The following TPR variants were observed in gnomAD, a reference collection of about 807,000 sequenced individuals.
TPR encodes the protein translocated promoter region, nuclear basket protein.
In TPR, 51 loss-of-function variants were observed where a neutral mutation model predicts 316.1. That is an observed-to-expected ratio of 0.16 (90% confidence interval 0.13 to 0.20). The LOEUF (loss-of-function observed/expected upper bound fraction) is 0.20. Ranked by LOEUF, TPR falls within the 10% of genes least tolerant of loss-of-function variation. TPR has a pLI of 1.00. For synonymous variants in TPR, 981 were observed against 914.7 expected (o/e 1.07, Z -1.31); for missense variants, 2,272 against 2,754.8 (o/e 0.82, Z 3.92).
At chr1:186,359,430 A>C (rs1659117622) in intron 12 of TPR, among the ~76,000 whole-genome samples, 1 of 152,080 alleles carries the variant, frequency 6.6e-6, no homozygotes. Context: ...GGCTATTACA[A>C]CTGTCTGATA....
chr1:186,322,256 CT>C, intron 45 of TPR, 61 bp downstream of exon 45: 2 of 1,461,054 alleles, frequency 1.4e-6, no homozygotes, highest in Non-Finnish European at 1.9e-6. Context: ...GATAAACAAA[CT>C]AACAGAGAAA....
chr1:186,359,805 A>C lies in TPR; in HGVS notation c.1383T>G (p.Ala461=), dbSNP rs1291908460. The part of the protein sequence containing the change: ...VASLSVKLEQ[A]MKEIQRLQED... ...TTTTAGGAATGGAACCAACCTTCAT[A>C]GCTTGTTCAAGCTTAACAGATAAAC... The change falls in exon 12 of 51, where the codon GCT becomes GCG. Residue 461 remains alanine, a synonymous_variant. Transcript: ENST00000367478. The C allele has an allele frequency of 6.3e-7, 1 of 1,580,556 alleles. No homozygotes were observed. Among genetic ancestry groups the C allele is most frequent in the Non-Finnish European group, 8.5e-7 (1 of 1,170,922 alleles).
At chr1:186,334,268 T>C (rs924118884) in intron 36 of TPR, 57 bp downstream of exon 36, 3 of 1,470,512 alleles carry the variant, frequency 2.0e-6, no homozygotes, top group African/African-American at 1.4e-5. Flanking sequence ...ATTACTGTCA[T>C]CTTCTCATAA....
intron 30 of TPR, among the ~76,000 whole-genome samples, chr1:186,338,725 G>A (rs1010414209): frequency 6.6e-6 from 1 of 152,114 alleles, no homozygotes; most frequent in Non-Finnish European, 1.5e-5. Flanking sequence ...ACCAAATCAT[G>A]GGCCACATTT....
At chr1:186,348,646 T>C (rs1381435258) in intron 21 of TPR, among the ~76,000 whole-genome samples, 1 of 152,152 alleles carries the variant, frequency 6.6e-6, no homozygotes, top group African/African-American at 2.4e-5. Flanking sequence ...ATCACGGTCC[T>C]AGATATGTGA....
chr1:186,338,130 A>C lies in TPR; in HGVS notation c.4265T>G (p.Ile1422Ser), dbSNP rs1658394481. 6.2e-7 allele frequency: 1 copy of C among 1,612,698 alleles called. No individual in the cohort carries two copies. Among genetic ancestry groups the C allele is most frequent in the African/African-American group, 1.3e-5 (1 of 74,854 alleles). ...AGTTTTGACTTTTTCTTGGATATCA[A>C]TTATTTTGGCATCTAAGTCCTTCTG... ...TIQKDLDAKI[I>S]DIQEKVKTIT... is the part of the protein sequence containing the mutation. The change falls in exon 31 of 51, where the codon ATT (isoleucine) becomes AGT (serine). Residue 1422 changes from isoleucine (I) to serine (S), a missense_variant. This residue lies in a region of TPR where 96 missense variants were observed against 134.6 expected (regional missense o/e 0.71). Transcript: ENST00000367478.
intron 19 of TPR, 69 bp from the exon 20 acceptor site, chr1:186,351,539 CAAGA>C (rs1156787130): frequency 2.0e-6 from 3 of 1,465,382 alleles, no homozygotes; most frequent in African/African-American, 2.9e-5. Context: ...AAATTGAAGG[CAAGA>C]AAGAATTACA....
chr1:186,332,600 C>T (rs926031772), intron 37 of TPR, among the ~76,000 whole-genome samples: 3 of 152,044 alleles, frequency 2.0e-5, no homozygotes, highest in Non-Finnish European at 1.5e-5. Flanking sequence ...CTTAATAAAG[C>T]CAGCCAATTT....
rs768672220 is a variant in TPR, at chr1:186,331,506, T to C, written c.5680A>G (p.Ile1894Val). Residue 1894 changes from isoleucine (I) to valine (V), a missense_variant, in exon 39 of 51, where the codon ATT becomes GTT. Physicochemically the swap from Ile to Val is conservative, Grantham distance 29 (BLOSUM62 3). Around this residue, in one of 10 missense-constraint regions of TPR, gnomAD observed 435 missense variants for 461.1 expected, o/e 0.94. Coordinates refer to ENST00000367478, the MANE Select transcript of TPR (RefSeq NM_003292.3). ...QVYNQDSQDS[I>V]GEGVTQGDYT... The stretch of plus-strand genomic sequence containing the variant: ...GGTATGTTTTTACTTACTTCTCCAA[T>C]GGAATCTTGAGAATCCTGGTTGTAT... 7.6e-5 allele frequency: 122 copies of C among 1,607,418 alleles called. No individual in the cohort carries two copies. The highest frequency in any genetic ancestry group is 9.5e-5 in the Non-Finnish European group (112 of 1,176,710).
At chr1:186,333,816 A>G (rs1343435625) in intron 36 of TPR, among the ~76,000 whole-genome samples, 2 of 152,208 alleles carry the variant, frequency 1.3e-5, no homozygotes, top group African/African-American at 2.4e-5. Flanking sequence ...GAAATACTTG[A>G]ATAATTTACT....
In TPR at chr1:186,359,826, T is replaced by C. The variant is rs201691804; in HGVS notation, c.1362A>G (p.Leu454=). Residue 454 remains leucine, a synonymous_variant, in exon 12 of 51, where the codon TTA becomes TTG. Coordinates refer to ENST00000367478, the MANE Select transcript of TPR (RefSeq NM_003292.3). ...TCATAGCTTGTTCAAGCTTAACAGA[T>C]AAACTTGCTACAGCTTTCTGTGCAC... ...YERAQKAVAS[L]SVKLEQAMKE... The C allele has an allele frequency of 2.2e-3, 3,568 of 1,588,260 alleles. 19 individuals carry two copies. Among genetic ancestry groups the C allele is most frequent in the South Asian group, 9.3e-3 (797 of 85,544 alleles).
At chr1:186,363,029 A>C in intron 5 of TPR, 28 bp from the exon 6 acceptor site, 1 of 1,576,160 alleles carries the variant, frequency 6.3e-7, no homozygotes, top group East Asian at 2.2e-5. Context: ...AATAACACGT[A>C]CAGTTAAAGA....
In TPR at chr1:186,312,763, T is replaced by G. The variant is rs1366853091; in HGVS notation, c.*1208A>C. 2.5e-6 allele frequency: 4 copies of G among 1,612,510 alleles called. No homozygotes were observed. Among genetic ancestry groups the G allele is most frequent in the African/African-American group, 1.3e-5 (1 of 74,874 alleles). ...TGGTATCTTTTATTAAACATGCCACTTACAGGTGTCCTTCATAATGAAGTT... is the reference window on the plus strand; with the variant it reads ...TGGTATCTTTTATTAAACATGCCACGTACAGGTGTCCTTCATAATGAAGTT... On this transcript the variant is annotated 3_prime_UTR_variant, in exon 51 of 51. Transcript: ENST00000367478.
Position 186,345,101 on chromosome 1 carries a change from A to C in TPR, c.3213+479T>G, listed in dbSNP as rs568007626. 3.7e-5 allele frequency among the ~76,000 whole-genome samples: 5 copies of C among 136,732 alleles called. No individual in the cohort carries two copies. In the East Asian group the frequency reaches 1.3e-3, roughly 37 times the overall value. The allele number at this position is 136,732 out of a possible 152,430, so 89.7% of individuals were successfully genotyped here. A position where few individuals can be genotyped will look rare whatever the true frequency, so the allele number is the denominator to read the frequency against. On this transcript the variant is annotated intron_variant, in intron 24 of 50. Transcript: ENST00000367478. ...TCCTGTTCATAAAAAAATTATAAAAAGCTTCAATACTGTGTGCACATACAT... is the reference window on the plus strand; with the variant it reads ...TCCTGTTCATAAAAAAATTATAAAACGCTTCAATACTGTGTGCACATACAT...
At chr1:186,314,251 T>C (rs1343320599) in intron 50 of TPR, 6 of 479,880 alleles carry the variant, frequency 1.3e-5, no homozygotes, top group Admixed American at 3.8e-5. Context: ...ATTAAAATTT[T>C]ACACTTTTAC....
chr1:186,350,453 T>C (rs570524283), intron 20 of TPR, 65 bp from the exon 21 acceptor site: 2 of 1,242,680 alleles, frequency 1.6e-6, no homozygotes, highest in Admixed American at 5.8e-5. Flanking sequence ...TCAAACTATC[T>C]TTTTATAGAC....
intron 50 of TPR, 48 bp downstream of exon 50, chr1:186,314,581 T>C: frequency 1.4e-6 from 2 of 1,438,526 alleles, no homozygotes; most frequent in Non-Finnish European, 9.6e-7. Flanking sequence ...GTTCCATTTA[T>C]TACTATTCCA....
chr1:186,351,197 G>T, intron 20 of TPR, 133 bp downstream of exon 20: 2 of 1,017,442 alleles, frequency 2.0e-6, no homozygotes, highest in Non-Finnish European at 2.7e-6. Context: ...ACTGGGTATA[G>T]AGTGAGGCAA....
chr1:186,343,569 TTAATAAC>T, intron 26 of TPR, 96 bp from the exon 27 acceptor site: 1 of 1,111,234 alleles, frequency 9.0e-7, no homozygotes, highest in Non-Finnish European at 1.3e-6. Context: ...ATCATTGACT[TTAATAAC>T]TATTACACGT....
Sources: allele counts gnomAD v4.1 joint callset (sites outside exome capture counted in the v4.1 genomes callset), GRCh38; gene constraint gnomAD v4.1.1; regional missense constraint gnomAD v4.1.1; transcripts MANE v1.5; gene names NCBI Gene and HGNC (gene_info 2026-07-23, HGNC 2026-07-21).